The following COL1A1 variants were observed in gnomAD, a reference collection of about 807,000 sequenced individuals.
COL1A1 encodes the protein collagen alpha-1(I) chain.
A neutral mutation model predicts 195.7 loss-of-function variants in COL1A1; 21 were observed. The ratio of observed to expected loss-of-function variants is 0.11; its 90% CI spans 0.08 to 0.15. COL1A1 has a LOEUF of 0.15. Ranked by LOEUF, COL1A1 falls within the 10% of genes least tolerant of loss-of-function variation. COL1A1 has a pLI of 1.00. For synonymous variants in COL1A1, 749 were observed against 747.3 expected, an observed-to-expected ratio of 1.00 and a Z score of -0.04; for missense variants, 1,365 against 2,051.0, an observed-to-expected ratio of 0.67 and a Z score of 6.46.
chr17:50,191,250 G>A (rs1484789109), intron 32 of COL1A1, 133 bp downstream of exon 32: 1 of 901,878 alleles, frequency 1.1e-6, no homozygotes, highest in African/African-American at 1.6e-5. Context: ...AAAGGCCAGA[G>A]GGGAAAGGGG....
At chr17:50,192,312 A>C (rs965244884) in intron 29 of COL1A1, 163 bp downstream of exon 29, 12 of 839,578 alleles carry the variant, frequency 1.4e-5, no homozygotes, top group Non-Finnish European at 2.4e-5. Context: ...GCAATCATGC[A>C]GCCCCCACTT....
At chr17:50,196,117 C>A (rs1285489037) in intron 15 of COL1A1, 38 bp downstream of exon 15, 2 of 1,613,566 alleles carry the variant, frequency 1.2e-6, no homozygotes, top group Non-Finnish European at 1.7e-6. Flanking sequence ...GAGACCCCTC[C>A]CCACTCCCAG....
chr17:50,197,606 T>G, intron 9 of COL1A1, 126 bp downstream of exon 9: 2 of 783,168 alleles, frequency 2.6e-6, no homozygotes, highest in Non-Finnish European at 4.3e-6. Flanking sequence ...GGGCAGTCCG[T>G]GCATCAGAGA....
In COL1A1 at chr17:50,185,472, G is replaced by A; in HGVS notation, c.*30C>T. On this transcript the variant is annotated 3_prime_UTR_variant, in exon 51 of 51. Transcript: ENST00000225964. Reference sequence around the variant, plus strand: ...GGGTTGGGGGGAAAGTTGGTTGGGTGGGAGGGAGCCAGGTTGGGATGGAGG... The same window carrying A: ...GGGTTGGGGGGAAAGTTGGTTGGGTAGGAGGGAGCCAGGTTGGGATGGAGG... 6.2e-7 allele frequency: 1 copy of A among 1,613,502 alleles called. No individual in the cohort carries two copies. Among genetic ancestry groups the A allele is most frequent in the East Asian group, 2.2e-5 (1 of 44,866 alleles).
Position 50,186,337 on chromosome 17 carries a change from T to A in COL1A1, c.3985A>T (p.Ser1329Cys), listed in dbSNP as rs778077946. ...KDKRHVWFGESMTDGFQFEYG... is the reference protein window; with the variant it reads ...KDKRHVWFGECMTDGFQFEYG... ...CGCACCTGGAATCCATCGGTCATGC[T>A]CTCGCCGAACCAGACATGCCTCTTG... The change falls in exon 49 of 51, where the codon AGC (serine) becomes TGC (cysteine). Residue 1329 changes from serine (S) to cysteine (C), a missense_variant. Coordinates refer to ENST00000225964, the MANE Select transcript of COL1A1 (RefSeq NM_000088.4). The surrounding 1 kb of genome is among the most constrained non-coding windows in gnomAD (Gnocchi z 5.3). The A allele has an allele frequency of 8.7e-6, 14 of 1,614,066 alleles. No homozygotes were observed. Among genetic ancestry groups the A allele is most frequent in the African/African-American group, 1.3e-5 (1 of 74,934 alleles).
intron 2 of COL1A1, 25 bp from the exon 3 acceptor site, chr17:50,199,615 A>G (rs1286411877): frequency 1.2e-6 from 2 of 1,613,896 alleles, no homozygotes; most frequent in African/African-American, 2.7e-5. Flanking sequence ...GACGCGCGTT[A>G]GAGCCAAGGT....
chr17:50,197,308 C>T (rs1567762689), intron 9 of COL1A1, 75 bp from the exon 10 acceptor site: 41 of 1,468,682 alleles, frequency 2.8e-5, no homozygotes, highest in Non-Finnish European at 3.1e-5. Flanking sequence ...TGGAGAAGGT[C>T]TCAGTCTTCT....
rs544409032 is a variant in COL1A1, at chr17:50,188,598, C to T, written c.3139G>A (p.Ala1047Thr). The change falls in exon 43 of 51, where the codon GCT (alanine) becomes ACT (threonine). Residue 1047 changes from alanine to threonine, a missense_variant. By Grantham distance (58) the Ala-to-Thr change is moderately conservative. This residue lies in a region of COL1A1 where 671 missense variants were observed against 1,099.9 expected (regional missense o/e 0.61). Transcript: ENST00000225964. The surrounding 1 kb of genome is among the most constrained non-coding windows in gnomAD (Gnocchi z 5.6). Reference protein sequence around the residue: ...GETGPAGPPGAPGAPGAPGPV... With the variant: ...GETGPAGPPGTPGAPGAPGPV... ...CCAGGGGCACCAGGAGCACCAGGAG[C>T]ACCAGGGGGTCCAGCGGGGCCGGTC... 3 of 1,613,976 alleles carry T rather than the reference C, an allele frequency of 1.9e-6. No homozygotes were observed. The highest frequency in any genetic ancestry group is 2.5e-6 in the Non-Finnish European group (3 of 1,179,970).
chr17:50,198,558 C>T (rs753087934), intron 5 of COL1A1, 54 bp from the exon 6 acceptor site: 80 of 1,404,952 alleles, frequency 5.7e-5, no homozygotes, highest in South Asian at 2.1e-4. Flanking sequence ...AGGCAGAAGA[C>T]GGCACTGAGG....
chr17:50,187,640 T>A, intron 45 of COL1A1, 103 bp from the exon 46 acceptor site: 2 of 1,276,586 alleles, frequency 1.6e-6, no homozygotes, highest in Non-Finnish European at 2.3e-6. Context: ...CCATGCCCCT[T>A]CATTATTCTG....
At position 50,185,085 on chromosome 17, in the gene COL1A1, G is replaced by C; in HGVS notation, c.*417C>G. 1 of 271,552 alleles carries C rather than the reference G, an allele frequency of 3.7e-6. No individual in the cohort carries two copies. Among genetic ancestry groups the C allele is most frequent in the Non-Finnish European group, 7.0e-6 (1 of 142,154 alleles). The allele number at this position is 271,552 out of a possible 1,614,324, so 16.8% of individuals were successfully genotyped here. On this transcript the variant is annotated 3_prime_UTR_variant, in exon 51 of 51. Transcript: ENST00000225964. ...TACATTGTTTCCTGTGTCTTCTGGG[G>C]AGACAGATTTGGGAAGGAGTGGAGG...
chr17:50,200,226 C>A, intron 1 of COL1A1: 1 of 498,200 alleles, frequency 2.0e-6, no homozygotes, highest in Non-Finnish European at 3.7e-6. Context: ...CCCATTGGCG[C>A]TGAAGCCAAG....
At chr17:50,196,936 T>C (rs1907641671) in intron 11 of COL1A1, 74 bp downstream of exon 11, 2 of 1,547,754 alleles carry the variant, frequency 1.3e-6, no homozygotes, top group Non-Finnish European at 1.8e-6. Context: ...TCAGTATCTT[T>C]TGGGGAAGAG....
At position 50,188,631 on chromosome 17, in the gene COL1A1, G is replaced by A. The variant is rs72653177; in HGVS notation, c.3106C>T (p.Arg1036Cys). The change falls in exon 43 of 51, where the codon CGT becomes TGT. Residue 1036 changes from arginine (R) to cysteine (C), a missense_variant. Transcript: ENST00000225964. This position sits in a 1 kb window ranked among gnomAD's most constrained non-coding sequence, Gnocchi z 5.6. ...RDGSPGAKGD[R>C]GETGPAGPPG... is the part of the protein sequence containing the mutation. ...GGTCCAGCGGGGCCGGTCTCACCAC[G>A]GTCACCCTGGCGGGGAGAGCAGGGG... is the stretch of plus-strand genomic sequence containing the variant. 37 of 1,613,276 alleles carry A rather than the reference G, an allele frequency of 2.3e-5. No individual in the cohort carries two copies. The highest frequency in any genetic ancestry group is 2.2e-5 in the East Asian group (1 of 44,816).
In COL1A1 at chr17:50,192,547, G is replaced by A. The variant is rs757424586; in HGVS notation, c.1930-19C>T. 8.7e-6 allele frequency: 14 copies of A among 1,613,978 alleles called. No homozygotes were observed. In the South Asian group the frequency reaches 8.8e-5, roughly 10 times the overall value. ...GGAGACCCTGTAGGTGGGAAATGGG[G>A]GAAGAAGGGAGGGAAGGTTTAGAAT... On this transcript the variant is annotated intron_variant, in intron 28 of 50. Transcript: ENST00000225964.
rs762752294 is a variant in COL1A1, at chr17:50,194,103, A to G, written c.1668+27T>C. ...GCAGGGAGGCAGACAGGACAATGGC[A>G]GGGGGTTCAGGGGGAGTGATACTTA... On this transcript the variant is annotated intron_variant, in intron 24 of 50. Coordinates refer to ENST00000225964, the MANE Select transcript of COL1A1 (RefSeq NM_000088.4). The surrounding 1 kb of genome is among the most constrained non-coding windows in gnomAD (Gnocchi z 6.8). The G allele has an allele frequency of 5.0e-6, 8 of 1,610,878 alleles. No homozygotes were observed. In the South Asian group the frequency reaches 7.7e-5, roughly 15 times the overall value.
Position 50,198,223 on chromosome 17 carries a change from A to G in COL1A1, c.544-18T>C. On this transcript the variant is annotated intron_variant, in intron 6 of 50. Transcript: ENST00000225964. ...GAGGGACCCTATAGAGGGAGAAGAAAGGGGGGTCATGGTGATCCCTCTGTA... is the reference window on the plus strand; with the variant it reads ...GAGGGACCCTATAGAGGGAGAAGAAGGGGGGGTCATGGTGATCCCTCTGTA... 6.2e-7 allele frequency: 1 copy of G among 1,613,908 alleles called. No individual in the cohort carries two copies. The highest frequency in any genetic ancestry group is 1.1e-5 in the South Asian group (1 of 91,070).
intron 2 of COL1A1, 68 bp downstream of exon 2, chr17:50,199,685 C>A: frequency 1.2e-6 from 2 of 1,600,008 alleles, no homozygotes; most frequent in Non-Finnish European, 1.7e-6. Flanking sequence ...GAGCGCCGAC[C>A]ACCCCCAGCC....
At chr17:50,197,892 T>C in intron 8 of COL1A1, 57 bp downstream of exon 8, 1 of 1,598,524 alleles carries the variant, frequency 6.3e-7, no homozygotes, top group Non-Finnish European at 8.6e-7. Context: ...GGAGTTCTTC[T>C]ATAGGAGAGT....
Sources: allele counts gnomAD v4.1 joint callset, GRCh38; gene constraint gnomAD v4.1.1; regional missense constraint gnomAD v4.1.1; non-coding constraint Gnocchi (gnomAD v3.1); transcripts MANE v1.5; gene names NCBI Gene and HGNC (gene_info 2026-07-23, HGNC 2026-07-21).